CNTNAP2: variants seen among roughly 807,000 people sequenced by gnomAD.
CNTNAP2 encodes the protein contactin-associated protein-like 2.
In CNTNAP2, 98 loss-of-function variants were observed where a neutral mutation model predicts 155.2. The ratio of observed to expected loss-of-function variants is 0.63; its 90% CI spans 0.54 to 0.75. The LOEUF (loss-of-function observed/expected upper bound fraction) is 0.75, where lower values mean the gene tolerates loss of function less well. Ranked by LOEUF, CNTNAP2 falls within the 30% of genes least tolerant of loss-of-function variation. The pLI is 0.00. For missense variants in CNTNAP2, 1,727 were observed against 1,688.1 expected, an observed-to-expected ratio of 1.02 and a Z score of -0.40; for synonymous variants, 651 against 631.2, an observed-to-expected ratio of 1.03 and a Z score of -0.47.
chr7:147,209,045 T>G (rs1167569008), intron 8 of CNTNAP2, among the ~76,000 whole-genome samples: 1 of 151,990 alleles, frequency 6.6e-6, no homozygotes, highest in African/African-American at 2.4e-5. Flanking sequence ...ATCCTCATAT[T>G]GCTCAGGATT....
At chr7:147,356,977 C>T (rs1488229918) in intron 9 of CNTNAP2, among the ~76,000 whole-genome samples, 2 of 152,076 alleles carry the variant, frequency 1.3e-5, no homozygotes, top group African/African-American at 4.8e-5. Context: ...TGGGAACTCA[C>T]CTAATACCAC....
At chr7:147,948,660 T>A (rs376061678) in intron 14 of CNTNAP2, among the ~76,000 whole-genome samples, 1 of 148,408 alleles carries the variant, frequency 6.7e-6, no homozygotes, top group Non-Finnish European at 1.5e-5. Flanking sequence ...CACACACACA[T>A]ATATATATGT....
rs1222453977 is a variant in CNTNAP2, at chr7:146,200,521, G to GAC, written c.97+83568_97+83569dup. Among the ~76,000 whole-genome samples, 365 of 72,374 alleles carry GAC rather than the reference G, an allele frequency of 5.0e-3. 9 individuals carry two copies. In the South Asian group the frequency reaches 0.11, roughly 23 times the overall value. 47.5% of individuals were successfully genotyped at this position (72,374 alleles called of 152,430 possible). A position where few individuals can be genotyped will look rare whatever the true frequency, so the allele number is the denominator to read the frequency against. On this transcript the variant is annotated intron_variant, in intron 1 of 23. Coordinates refer to ENST00000361727, the MANE Select transcript of CNTNAP2 (RefSeq NM_014141.6). ...ATATATATATATATACACACACACA[G>GAC]ACACACACACACACACACACATATA...
At chr7:146,800,407 C>T (rs1455244098) in intron 2 of CNTNAP2, among the ~76,000 whole-genome samples, 3 of 152,220 alleles carry the variant, frequency 2.0e-5, no homozygotes, top group Non-Finnish European at 4.4e-5. Flanking sequence ...CTAGCCTTGT[C>T]AGAAAATCAG....
chr7:148,072,991 AGC>A (rs1491300907), intron 15 of CNTNAP2, among the ~76,000 whole-genome samples: 2 of 152,158 alleles, frequency 1.3e-5, no homozygotes, highest in African/African-American at 4.8e-5. Context: ...TACAGGTGTG[AGC>A]CACCGTGCCT....
chr7:146,934,613 T>A lies in CNTNAP2; in HGVS notation c.402+94709T>A, dbSNP rs981880597. ...TTAATAATAATAAAATTAAAAAAAA[T>A]TGTTCAATTCAAATTTTCAACAATG... On this transcript the variant is annotated intron_variant, in intron 3 of 23. Coordinates refer to ENST00000361727, the MANE Select transcript of CNTNAP2 (RefSeq NM_014141.6). 3.9e-5 allele frequency among the ~76,000 whole-genome samples: 6 copies of A among 152,206 alleles called. No individual in the cohort carries two copies. In the East Asian group the frequency reaches 5.8e-4, roughly 15 times the overall value.
intron 1 of CNTNAP2, among the ~76,000 whole-genome samples, chr7:146,124,212 C>T (rs887902347): frequency 2.6e-5 from 4 of 151,962 alleles, no homozygotes; most frequent in African/African-American, 4.8e-5. Context: ...CAAACCTTCA[C>T]GTTCTGCACA....
chr7:146,202,518 C>T (rs1358568059), intron 1 of CNTNAP2, among the ~76,000 whole-genome samples: 1 of 152,086 alleles, frequency 6.6e-6, no homozygotes, highest in Non-Finnish European at 1.5e-5. Flanking sequence ...TCAGCCATTA[C>T]ACTTCCGGCA....
intron 21 of CNTNAP2, among the ~76,000 whole-genome samples, chr7:148,274,781 A>T (rs2116851354): frequency 6.6e-6 from 1 of 152,304 alleles, no homozygotes; most frequent in Middle Eastern, 3.4e-3. Flanking sequence ...ATGTTTCTTT[A>T]TAGCAGTGCA....
intron 1 of CNTNAP2, among the ~76,000 whole-genome samples, chr7:146,542,229 G>A (rs1370316901): frequency 1.3e-5 from 2 of 151,836 alleles, no homozygotes; most frequent in Non-Finnish European, 2.9e-5. Context: ...ATGTGATAGA[G>A]GAAAAAACAT....
At chr7:146,493,293 A>G (rs1229728080) in intron 1 of CNTNAP2, among the ~76,000 whole-genome samples, 6 of 152,224 alleles carry the variant, frequency 3.9e-5, no homozygotes, top group Non-Finnish European at 7.3e-5. Flanking sequence ...CTTCCTGAAT[A>G]GCATGGCTTC....
At chr7:148,299,137 C>T (rs1468328548) in intron 21 of CNTNAP2, among the ~76,000 whole-genome samples, 1 of 151,958 alleles carries the variant, frequency 6.6e-6, no homozygotes, top group Admixed American at 6.6e-5. Flanking sequence ...ACTACAGGCG[C>T]CCACGACCAC....
At chr7:146,566,925 T>C (rs1451531763) in intron 1 of CNTNAP2, among the ~76,000 whole-genome samples, 1 of 152,114 alleles carries the variant, frequency 6.6e-6, no homozygotes, top group African/African-American at 2.4e-5. Context: ...ACATACCTCA[T>C]TGTATTTATT....
chr7:146,123,947 A>C (rs1329016509), intron 1 of CNTNAP2, among the ~76,000 whole-genome samples: 2 of 152,194 alleles, frequency 1.3e-5, no homozygotes, highest in Non-Finnish European at 2.9e-5. Flanking sequence ...ATTTCTTTGC[A>C]TGGACACGGA....
chr7:146,763,097 A>C (rs1057172085), intron 1 of CNTNAP2, among the ~76,000 whole-genome samples: 2 of 152,160 alleles, frequency 1.3e-5, no homozygotes, highest in Non-Finnish European at 2.9e-5. Flanking sequence ...TACAAAGCCC[A>C]GCAAAGTTGG....
At chr7:148,334,148 T>A (rs141482596) in intron 21 of CNTNAP2, among the ~76,000 whole-genome samples, 1 of 152,336 alleles carries the variant, frequency 6.6e-6, no homozygotes, top group African/African-American at 2.4e-5. Flanking sequence ...ATGACTTACG[T>A]TCTTTTATCA....
intron 1 of CNTNAP2, among the ~76,000 whole-genome samples, chr7:146,200,219 G>A (rs1463019140): frequency 2.0e-5 from 3 of 152,132 alleles, no homozygotes; most frequent in Non-Finnish European, 2.9e-5. Flanking sequence ...AATACTGGCC[G>A]GGCGTGGGGC....
chr7:146,858,754 C>G (rs778431935), intron 3 of CNTNAP2, among the ~76,000 whole-genome samples: 1 of 152,134 alleles, frequency 6.6e-6, no homozygotes, highest in Non-Finnish European at 1.5e-5. Context: ...ATATCAGTTG[C>G]TGAAAGGTAG....
chr7:146,586,909 G>A (rs1221919904), intron 1 of CNTNAP2, among the ~76,000 whole-genome samples: 1 of 152,004 alleles, frequency 6.6e-6, no homozygotes, highest in Non-Finnish European at 1.5e-5. Context: ...GGTCATTTTT[G>A]CTATGAACAA....
Sources: gnomAD v4.1 joint callset for allele counts (sites outside exome capture counted in the v4.1 genomes callset) on GRCh38, gnomAD v4.1.1 for gene constraint, MANE v1.5 for transcripts, NCBI Gene and HGNC (gene_info 2026-07-23, HGNC 2026-07-21) for gene names.